Variants in AGXT2 observed in about 807,000 individuals in gnomAD.
The protein encoded by AGXT2 is alanine--glyoxylate aminotransferase 2, mitochondrial.
In AGXT2, 61 loss-of-function variants were observed where a neutral mutation model predicts 62.5. The observed-to-expected ratio is 0.98, with a 90% CI of 0.79 to 1.21. The LOEUF (loss-of-function observed/expected upper bound fraction) is 1.21. AGXT2 is among the 50% of genes most tolerant of loss of function. The pLI, the probability that AGXT2 is intolerant of heterozygous loss-of-function variation, is 0.00. For missense variants in AGXT2, 666 were observed against 641.5 expected (o/e 1.04, Z -0.41); for synonymous variants, 243 against 218.7 (o/e 1.11, Z -0.98).
chr5:35,012,873 A>G, intron 11 of AGXT2, 81 bp downstream of exon 11: 1 of 1,228,612 alleles, frequency 8.1e-7, no homozygotes, highest in Non-Finnish European at 1.2e-6. Context: ...ACTCAGCATG[A>G]TAGAGTTCTG....
chr5:35,000,403 CAG>C (rs1170078063), intron 13 of AGXT2, among the ~76,000 whole-genome samples: 1 of 152,114 alleles, frequency 6.6e-6, no homozygotes, highest in African/African-American at 2.4e-5. Flanking sequence ...TTATTTGAGA[CAG>C]AGTCTCACTC....
chr5:35,026,361 T>C (rs985539770), intron 8 of AGXT2, 49 bp downstream of exon 8: 1 of 1,469,232 alleles, frequency 6.8e-7, no homozygotes, highest in Non-Finnish European at 9.5e-7. Context: ...TAAAACTTTC[T>C]GATAATTGAA....
At chr5:35,001,858 C>T (rs13173819) in intron 13 of AGXT2, among the ~76,000 whole-genome samples, 47,318 of 151,986 alleles carry the variant, frequency 0.31, 8,056 homozygotes, top group Non-Finnish European at 0.39. Context: ...TATAGATGAG[C>T]TTACTACATT....
chr5:35,038,740 A>G (rs925083638), intron 3 of AGXT2, among the ~76,000 whole-genome samples: 10 of 152,212 alleles, frequency 6.6e-5, no homozygotes, highest in Non-Finnish European at 1.3e-4. Flanking sequence ...ATGAAATGAG[A>G]GCACTGCATG....
At position 35,003,784 on chromosome 5, in the gene AGXT2, GCCAACGAGGAGTC is replaced by G; in HGVS notation, c.1403_1415del (p.Gly468AlafsTer27). The G allele has an allele frequency of 1.2e-6, 2 of 1,614,180 alleles. No homozygotes were observed. Among genetic ancestry groups the G allele is most frequent in the Non-Finnish European group, 1.7e-6 (2 of 1,180,022 alleles). On this transcript the variant is annotated frameshift_variant, in exon 13 of 14. Coordinates refer to ENST00000231420, the MANE Select transcript of AGXT2 (RefSeq NM_031900.4). LOFTEE classifies it high-confidence loss of function. ...TTACCTGAGAAAAAATGCTGCCTCT[GCCAACGAGGAGTC>G]CCATGTGCTTGCAGTCCTCATGGAT... is the stretch of plus-strand genomic sequence containing the variant.
chr5:35,026,095 G>A, intron 8 of AGXT2: 1 of 594,066 alleles, frequency 1.7e-6, no homozygotes, highest in South Asian at 2.0e-5. Flanking sequence ...TAGAATAAAA[G>A]AAATTGGTGA....
rs957126626 is a variant in AGXT2, at chr5:34,998,123, C to T, written c.*596G>A. On this transcript the variant is annotated 3_prime_UTR_variant, in exon 14 of 14. Coordinates refer to ENST00000231420, the MANE Select transcript of AGXT2 (RefSeq NM_031900.4). ...CTTATACAGAACAATGAATTTATTACCTCAAATATCAAGAGGCCCTGAGGT... is the reference window on the plus strand; with the variant it reads ...CTTATACAGAACAATGAATTTATTATCTCAAATATCAAGAGGCCCTGAGGT... 7.4e-5 allele frequency: 11 copies of T among 149,116 alleles called. No individual in the cohort carries two copies. Among genetic ancestry groups the T allele is most frequent in the African/African-American group, 2.4e-4 (10 of 41,090 alleles). 9.2% of individuals were successfully genotyped at this position (149,116 alleles called of 1,614,324 possible). A position where few individuals can be genotyped will look rare whatever the true frequency, so the allele number is the denominator to read the frequency against.
Position 35,032,748 on chromosome 5 carries a change from C to T in AGXT2, c.753G>A (p.Lys251=), listed in dbSNP as rs1210539965. ...CRDSPVQTIR[K]CSCAPDCCQA... ...CAGTCGGACCTGGTGCACAGCTGCA[C>T]TTCCTGATTGTTTGCACTGGAGAAT... is the stretch of plus-strand genomic sequence containing the variant. Residue 251 remains lysine, a synonymous_variant, in exon 7 of 14, where the codon AAG becomes AAA. Coordinates refer to ENST00000231420, the MANE Select transcript of AGXT2 (RefSeq NM_031900.4). The T allele has an allele frequency of 1.2e-6, 2 of 1,608,518 alleles. No homozygotes were observed. The highest frequency in any genetic ancestry group is 1.7e-5 in the Admixed American group (1 of 59,414).
At position 35,046,009 on chromosome 5, in the gene AGXT2, C is replaced by T. The variant is rs2003148; in HGVS notation, c.88+1796G>A. On this transcript the variant is annotated intron_variant, in intron 1 of 13. Transcript: ENST00000231420. ...GTCTCGATCTCCTGACCTCGTGATC[C>T]GCCCGCCTCAGCCTCACAAAGTGCT... Among the ~76,000 whole-genome samples the T allele has an allele frequency of 1.6e-3, 242 of 152,100 alleles. 3 individuals are homozygous for T. Among genetic ancestry groups the T allele is most frequent in the Admixed American group, 0.013 (206 of 15,300 alleles).
At chr5:35,003,297 C>T (rs775565298) in intron 13 of AGXT2, among the ~76,000 whole-genome samples, 2 of 152,204 alleles carry the variant, frequency 1.3e-5, no homozygotes, top group Non-Finnish European at 2.9e-5. Context: ...CAGGTGCTGT[C>T]GTGTTGCTCC....
At chr5:35,045,456 A>T (rs1017566411) in intron 1 of AGXT2, among the ~76,000 whole-genome samples, 1 of 152,146 alleles carries the variant, frequency 6.6e-6, no homozygotes, top group African/African-American at 2.4e-5. Flanking sequence ...ATATTTACTT[A>T]TTCATTTATG....
chr5:35,026,606 AC>A, intron 7 of AGXT2, 96 bp from the exon 8 acceptor site: 1 of 1,167,484 alleles, frequency 8.6e-7, no homozygotes, highest in Non-Finnish European at 1.2e-6. Context: ...AAAAAAAAAA[AC>A]AACCAGACAG....
intron 7 of AGXT2, among the ~76,000 whole-genome samples, chr5:35,028,598 AGAGAGAGAGAGAGAGAGAGAG>A (rs1561226778): frequency 2.7e-5 from 3 of 113,022 alleles, no homozygotes; most frequent in Non-Finnish European, 3.9e-5. Context: ...AGAGAGAGAG[AGAGAGAGAGAGAGAGAGAGAG>A]AAATTCTTCT....
rs1345950524 is a variant in AGXT2, at chr5:35,025,767, T to A, written c.959A>T (p.Asp320Val). The change falls in exon 9 of 14, where the codon GAT (aspartate) becomes GTT (valine). Residue 320 changes from aspartate (D) to valine (V), a missense_variant. Transcript: ENST00000231420. ...GCACCCTTACATGCCACTTACTTCA[T>A]CTGCAATGCACACGCCTCCCCTTGC... is the stretch of plus-strand genomic sequence containing the variant. The part of the protein sequence containing the change: ...VRARGGVCIA[D>V]EVQTGFGRLG... 1 of 1,614,124 alleles carries A rather than the reference T, an allele frequency of 6.2e-7. No homozygotes were observed. The highest frequency in any genetic ancestry group is 8.5e-7 in the Non-Finnish European group (1 of 1,179,988).
chr5:35,017,118 T>C (rs571382680), intron 9 of AGXT2, among the ~76,000 whole-genome samples: 2 of 152,342 alleles, frequency 1.3e-5, no homozygotes, highest in South Asian at 2.1e-4. Flanking sequence ...ACTGGCCCTC[T>C]GCACTCAGGT....
At chr5:35,019,147 C>A (rs1439044211) in intron 9 of AGXT2, among the ~76,000 whole-genome samples, 2 of 96,440 alleles carry the variant, frequency 2.1e-5, no homozygotes, top group Non-Finnish European at 2.0e-5. Context: ...ACCCCACTGT[C>A]AACATTAGAC....
At chr5:35,003,538 T>C (rs148163903) in intron 13 of AGXT2, among the ~76,000 whole-genome samples, 1 of 151,456 alleles carries the variant, frequency 6.6e-6, no homozygotes, top group African/African-American at 2.4e-5. Flanking sequence ...CCATTTTCAC[T>C]CAGCGCCCCC....
intron 9 of AGXT2, among the ~76,000 whole-genome samples, chr5:35,017,182 C>T (rs553981708): frequency 1.5e-4 from 23 of 152,270 alleles, no homozygotes; most frequent in East Asian, 1.2e-3. Context: ...TTCTACACCA[C>T]GCTCTGTCAT....
chr5:35,025,268 C>T (rs1044960305), intron 9 of AGXT2, among the ~76,000 whole-genome samples: 3 of 152,000 alleles, frequency 2.0e-5, no homozygotes, highest in South Asian at 2.1e-4. Context: ...CCCAGCTACT[C>T]GGGAGGCTGT....
Sources: gnomAD v4.1 joint callset for allele counts (sites outside exome capture counted in the v4.1 genomes callset) on GRCh38, gnomAD v4.1.1 for gene constraint, MANE v1.5 for transcripts, NCBI Gene and HGNC (gene_info 2026-07-23, HGNC 2026-07-21) for gene names.